Variants in FER1L6 observed in about 807,000 individuals in gnomAD.
FER1L6 encodes fer-1-like protein 6.
A neutral mutation model predicts 219.2 loss-of-function variants in FER1L6; 177 were observed. The observed-to-expected ratio is 0.81, with a 90% CI of 0.71 to 0.91. The LOEUF (loss-of-function observed/expected upper bound fraction) is 0.91, where lower values mean the gene tolerates loss of function less well. Among genes scored for constraint, FER1L6 ranks in the 40% least tolerant of loss-of-function variants. The pLI, the probability that FER1L6 is intolerant of heterozygous loss-of-function variation, is 0.00. For missense variants in FER1L6, 2,153 were observed against 2,259.9 expected, an observed-to-expected ratio of 0.95 and a Z score of 0.96; for synonymous variants, 768 against 824.3, an observed-to-expected ratio of 0.93 and a Z score of 1.17.
At chr8:123,967,732 C>A (rs1038832705) in intron 5 of FER1L6, among the ~76,000 whole-genome samples, 6 of 152,192 alleles carry the variant, frequency 3.9e-5, no homozygotes, top group African/African-American at 1.2e-4. Flanking sequence ...CCGAGGTGGG[C>A]AGATCACGAG....
intron 32 of FER1L6, among the ~76,000 whole-genome samples, chr8:124,079,960 G>T (rs1466429170): frequency 6.6e-6 from 1 of 152,132 alleles, no homozygotes; most frequent in Non-Finnish European, 1.5e-5. Context: ...TAACTCTGTT[G>T]GAGCTCCTGC....
chr8:124,024,680 G>T (rs1294344971), intron 18 of FER1L6, among the ~76,000 whole-genome samples: 1 of 152,116 alleles, frequency 6.6e-6, no homozygotes, highest in Admixed American at 6.5e-5. Flanking sequence ...ATACGTGCTG[G>T]TGTCTTTTTG....
intron 16 of FER1L6, among the ~76,000 whole-genome samples, chr8:124,019,355 C>A (rs184373590): frequency 1.6e-4 from 24 of 152,308 alleles, no homozygotes; most frequent in Admixed American, 5.2e-4. Flanking sequence ...CTCCAGGTAA[C>A]CAGCTTTGCC....
At position 124,001,910 on chromosome 8, in the gene FER1L6, G is replaced by T. The variant is rs188699364; in HGVS notation, c.1520-1257G>T. On this transcript the variant is annotated intron_variant, in intron 12 of 40. Coordinates refer to ENST00000522917, the MANE Select transcript of FER1L6 (RefSeq NM_001039112.2). ...GACTTTAGGGACCTGTTTAGCTTAGGTTCCCAGAAACGAAACTTGGGAAGA... is the reference window on the plus strand; with the variant it reads ...GACTTTAGGGACCTGTTTAGCTTAGTTTCCCAGAAACGAAACTTGGGAAGA... Among the ~76,000 whole-genome samples the T allele has an allele frequency of 2.5e-3, 381 of 152,326 alleles. 3 individuals carry two copies. The highest frequency in any genetic ancestry group is 2.7e-3 in the Non-Finnish European group (181 of 68,026).
At chr8:123,864,720 T>C (rs1238659290) in intron 1 of FER1L6, among the ~76,000 whole-genome samples, 3 of 149,746 alleles carry the variant, frequency 2.0e-5, no homozygotes, top group African/African-American at 7.6e-5. Flanking sequence ...TCTCGCTTCA[T>C]TTCATTCATT....
intron 1 of FER1L6, among the ~76,000 whole-genome samples, chr8:123,855,233 C>T (rs1026853186): frequency 2.0e-5 from 3 of 152,130 alleles, no homozygotes; most frequent in African/African-American, 7.2e-5. Context: ...TGCTGTGATG[C>T]GTGCTCTCAG....
chr8:124,058,900 G>GTGTC (rs1466872408), intron 22 of FER1L6: 3 of 152,222 alleles, frequency 2.0e-5, no homozygotes, highest in Non-Finnish European at 4.4e-5. Context: ...CGCATTTGCA[G>GTGTC]TGTCTGCTCT....
intron 5 of FER1L6, 24 bp from the exon 6 acceptor site, chr8:123,970,011 C>T (rs1393046497): frequency 6.2e-7 from 1 of 1,610,600 alleles, no homozygotes; most frequent in Admixed American, 1.7e-5. Context: ...GGTTGATGAC[C>T]AGAATGAACT....
At chr8:123,989,196 T>A (rs1183346595) in intron 12 of FER1L6, among the ~76,000 whole-genome samples, 1 of 152,180 alleles carries the variant, frequency 6.6e-6, no homozygotes, top group Admixed American at 6.5e-5. Flanking sequence ...TGAATGATAT[T>A]TTTAATGTGT....
chr8:124,083,156 C>T (rs1161737267), intron 33 of FER1L6, among the ~76,000 whole-genome samples: 1 of 69,744 alleles, frequency 1.4e-5, no homozygotes, highest in African/African-American at 4.1e-5. Context: ...ATATTATAAA[C>T]ATCAAATTAT....
intron 26 of FER1L6, among the ~76,000 whole-genome samples, chr8:124,065,716 C>T (rs1489524510): frequency 1.3e-5 from 2 of 152,198 alleles, no homozygotes; most frequent in Admixed American, 6.5e-5. Context: ...TACCCCCGCA[C>T]TCGATAGAGT....
intron 7 of FER1L6, 50 bp downstream of exon 7, chr8:123,973,562 A>G: frequency 7.5e-7 from 1 of 1,341,914 alleles, no homozygotes; most frequent in Non-Finnish European, 1.1e-6. Flanking sequence ...TTTGGTTTAT[A>G]GCACCTGGAG....
chr8:124,007,266 C>A (rs1563739152), intron 13 of FER1L6, among the ~76,000 whole-genome samples: 1 of 151,760 alleles, frequency 6.6e-6, no homozygotes, highest in Non-Finnish European at 1.5e-5. Context: ...AAACAAATGT[C>A]TCTCTCTCTC....
At chr8:124,060,384 G>C in intron 23 of FER1L6, 94 bp downstream of exon 23, 1 of 1,435,990 alleles carries the variant, frequency 7.0e-7, no homozygotes, top group African/African-American at 1.4e-5. Flanking sequence ...ATGGGCGGGA[G>C]ACCTAGAGAA....
rs541869895 is a variant in FER1L6 at position 123,866,317 on chromosome 8, T to TTA, written c.-8+14143_-8+14144dup. Among the ~76,000 whole-genome samples the TTA allele has an allele frequency of 4.7e-4, 71 of 151,368 alleles. No individual in the cohort carries two copies. The East Asian group carries it at 7.0e-3, about 15-fold the overall frequency. On this transcript the variant is annotated intron_variant, in intron 1 of 40. Coordinates refer to ENST00000522917, the MANE Select transcript of FER1L6 (RefSeq NM_001039112.2). ...GTATTCCATCATGTGTATATATATT[T>TTA]TATATATATATACACTACGTATATA... is the stretch of plus-strand genomic sequence containing the variant.
At chr8:123,920,460 G>A (rs754901695) in intron 1 of FER1L6, among the ~76,000 whole-genome samples, 6 of 152,176 alleles carry the variant, frequency 3.9e-5, no homozygotes, top group Non-Finnish European at 7.3e-5. Context: ...GAAGAACCGC[G>A]ATTAGACTGG....
Position 123,966,286 on chromosome 8 carries a change from A to G in FER1L6, c.380A>G (p.Asn127Ser). The change falls in exon 5 of 41, where the codon AAT becomes AGT. Residue 127 changes from asparagine (N) to serine (S), a missense_variant. Transcript: ENST00000522917. ...VKEGTNSPFY[N>S]EYFVFDFIGP... The stretch of plus-strand genomic sequence containing the variant: ...GAAGGAACCAACAGCCCATTTTATA[A>G]TGAAGTAAGTCATGGAGGTCACCCA... The G allele has an allele frequency of 1.2e-6, 2 of 1,614,132 alleles. No homozygotes were observed. Among genetic ancestry groups the G allele is most frequent in the Non-Finnish European group, 1.7e-6 (2 of 1,179,994 alleles).
intron 1 of FER1L6, among the ~76,000 whole-genome samples, chr8:123,868,316 T>G (rs1432064638): frequency 6.6e-6 from 1 of 152,124 alleles, no homozygotes; most frequent in African/African-American, 2.4e-5. Flanking sequence ...AATTAGTGAT[T>G]TGGACATTGA....
At chr8:123,918,253 G>T (rs1456063926) in intron 1 of FER1L6, among the ~76,000 whole-genome samples, 1 of 150,816 alleles carries the variant, frequency 6.6e-6, no homozygotes, top group Non-Finnish European at 1.5e-5. Flanking sequence ...AGGTTGCAGG[G>T]AACTGAGATT....
Sources: gnomAD v4.1 joint callset for allele counts (sites outside exome capture counted in the v4.1 genomes callset) on GRCh38, gnomAD v4.1.1 for gene constraint, MANE v1.5 for transcripts, NCBI Gene and HGNC (gene_info 2026-07-23, HGNC 2026-07-21) for gene names.